SOX6: variants seen among roughly 807,000 people sequenced by gnomAD.
SOX6 encodes the protein transcription factor SOX-6.
A neutral mutation model predicts 97.8 loss-of-function variants in SOX6; 11 were observed. The observed-to-expected ratio is 0.11, with a 90% CI of 0.07 to 0.19. The LOEUF is 0.19. Ranked by LOEUF, SOX6 falls within the 10% of genes least tolerant of loss-of-function variation. The pLI, the probability that SOX6 is intolerant of heterozygous loss-of-function variation, is 1.00. For missense variants in SOX6, 810 were observed against 1,039.5 expected, an observed-to-expected ratio of 0.78 and a Z score of 3.04; for synonymous variants, 360 against 371.4, an observed-to-expected ratio of 0.97 and a Z score of 0.35.
Position 16,566,656 on chromosome 11 carries a change from C to T in SOX6, n.609+45425G>A, listed in dbSNP as rs140544785. ...GTATCTGACATACCCGCTAGGGCGG[C>T]TATAATGTTTTTTAATGGAAAATAA... On this transcript the variant is annotated intron_variant and non_coding_transcript_variant, in intron 4 of 5. Transcript: ENST00000524520. Among the ~76,000 whole-genome samples, 1,132 of 152,276 alleles carry T rather than the reference C, an allele frequency of 7.4e-3. 19 individuals carry two copies. Among genetic ancestry groups the T allele is most frequent in the African/African-American group, 0.025 (1,024 of 41,550 alleles).
At position 16,387,146 on chromosome 11, in the gene SOX6, T is replaced by C. The variant is rs1404825386; in HGVS notation, c.-4-45894A>G. 3.9e-5 allele frequency among the ~76,000 whole-genome samples: 6 copies of C among 152,320 alleles called. No homozygotes were observed. In the East Asian group the frequency reaches 1.2e-3, roughly 29 times the overall value. ...AACTTGTCAGCACATTGAAGTCACATGGAGACCTGTAAAAACTATTGATGC... is the reference window on the plus strand; with the variant it reads ...AACTTGTCAGCACATTGAAGTCACACGGAGACCTGTAAAAACTATTGATGC... On this transcript the variant is annotated intron_variant, in intron 1 of 15. Coordinates refer to the SOX6 transcript ENST00000396356.
intron 5 of SOX6, among the ~76,000 whole-genome samples, chr11:16,185,427 A>G (rs1851445143): frequency 6.6e-6 from 1 of 152,114 alleles, no homozygotes; most frequent in Admixed American, 6.6e-5. Context: ...GTCCCTCCTA[A>G]ATGATAAAGT....
intron 6 of SOX6, among the ~76,000 whole-genome samples, chr11:16,160,036 T>C (rs1359745422): frequency 6.6e-6 from 1 of 152,162 alleles, no homozygotes; most frequent in Non-Finnish European, 1.5e-5. Context: ...AAAATTGCCT[T>C]AGCATAATAC....
chr11:16,274,527 A>G (rs1008266298), intron 3 of SOX6, among the ~76,000 whole-genome samples: 1 of 152,212 alleles, frequency 6.6e-6, no homozygotes, highest in Non-Finnish European at 1.5e-5. Context: ...TCTTTAAAAG[A>G]AAAACAACAA....
At chr11:15,984,550 T>C (rs1853767500) in intron 15 of SOX6, among the ~76,000 whole-genome samples, 1 of 152,250 alleles carries the variant, frequency 6.6e-6, no homozygotes, top group Non-Finnish European at 1.5e-5. Flanking sequence ...GACTATGAAT[T>C]AGTATTTTTC....
At chr11:16,238,845 G>T (rs1035305625) in intron 3 of SOX6, among the ~76,000 whole-genome samples, 2 of 152,022 alleles carry the variant, frequency 1.3e-5, no homozygotes. Flanking sequence ...AACAATTACT[G>T]CTGGCTCTAT....
chr11:16,612,871 G>T (rs888616728), intron 3 of SOX6, among the ~76,000 whole-genome samples: 1 of 152,004 alleles, frequency 6.6e-6, no homozygotes, highest in African/African-American at 2.4e-5. Flanking sequence ...AAGAGAAATC[G>T]CGCTTCCCTG....
At chr11:16,316,432 C>CA (rs1392715494) in intron 3 of SOX6, 3 of 151,152 alleles carry the variant, frequency 2.0e-5, no homozygotes, top group Non-Finnish European at 4.4e-5. Flanking sequence ...ATGTCTAAAA[C>CA]ATACATATTG....
At chr11:16,389,744 G>A (rs200517089) in intron 1 of SOX6, among the ~76,000 whole-genome samples, 3 of 151,790 alleles carry the variant, frequency 2.0e-5, no homozygotes, top group South Asian at 2.1e-4. Context: ...CGAGGTGGGC[G>A]GATCACGAAG....
At chr11:16,572,560 T>A (rs149782182) in intron 4 of SOX6, among the ~76,000 whole-genome samples, 1 of 152,188 alleles carries the variant, frequency 6.6e-6, no homozygotes, top group African/African-American at 2.4e-5. Context: ...ACTACTACAA[T>A]GTAAAATTAA....
intron 3 of SOX6, among the ~76,000 whole-genome samples, chr11:16,256,095 T>C (rs1179011332): frequency 6.6e-6 from 1 of 151,878 alleles, no homozygotes; most frequent in Non-Finnish European, 1.5e-5. Context: ...TTAGTAACCT[T>C]CCAAAACAGA....
intron 3 of SOX6, among the ~76,000 whole-genome samples, chr11:16,629,146 A>G (rs752137602): frequency 6.6e-6 from 1 of 152,166 alleles, no homozygotes; most frequent in Non-Finnish European, 1.5e-5. Context: ...TAGGAGTGGT[A>G]TAACAGTGGG....
chr11:16,211,911 C>T (rs528645811), intron 4 of SOX6, among the ~76,000 whole-genome samples: 6 of 152,238 alleles, frequency 3.9e-5, no homozygotes, highest in African/African-American at 1.4e-4. Flanking sequence ...GAACACCTAG[C>T]ACAGAGTTGC....
chr11:16,583,614 C>CATATATATATATATATATATATATAT (rs534690651), intron 4 of SOX6, among the ~76,000 whole-genome samples: 4 of 104,706 alleles, frequency 3.8e-5, no homozygotes, highest in African/African-American at 6.5e-5. Flanking sequence ...TATATATATA[C>CATATATATATATATATATATATATAT]ATATATATAT....
At chr11:16,650,905 A>T (rs1847639279) in intron 3 of SOX6, among the ~76,000 whole-genome samples, 1 of 152,190 alleles carries the variant, frequency 6.6e-6, no homozygotes. Context: ...AGAAGAGAGA[A>T]GATCCAAATT....
In SOX6 at chr11:16,110,354, A is replaced by C. The variant is rs540113985; in HGVS notation, c.898+1449T>G. 4 of 151,988 alleles carry C rather than the reference A, an allele frequency of 2.6e-5. No homozygotes were observed. In the South Asian group the frequency reaches 8.3e-4, roughly 32 times the overall value. 9.4% of individuals were successfully genotyped at this position (151,988 alleles called of 1,614,324 possible). On this transcript the variant is annotated intron_variant, in intron 7 of 15. Coordinates refer to ENST00000683767, the MANE Select transcript of SOX6 (RefSeq NM_001367873.1). ...CCAAAGAAAGTCAAAATGAAGAAGTAGTTTAGAATGACTTACAGAGATCAC... is the reference window on the plus strand; with the variant it reads ...CCAAAGAAAGTCAAAATGAAGAAGTCGTTTAGAATGACTTACAGAGATCAC...
chr11:16,532,331 A>C (rs1208877770), intron 4 of SOX6, among the ~76,000 whole-genome samples: 1 of 151,878 alleles, frequency 6.6e-6, no homozygotes, highest in Non-Finnish European at 1.5e-5. Context: ...CTGTATGATC[A>C]AGAAATGAGA....
chr11:16,426,913 CAAAAAAAAAA>C (rs34720074), intron 1 of SOX6, among the ~76,000 whole-genome samples: 1 of 62,656 alleles, frequency 1.6e-5, no homozygotes, highest in Admixed American at 2.1e-4. Context: ...GACTCCGTCT[CAAAAAAAAAA>C]AAAAAAAAAA....
intron 12 of SOX6, among the ~76,000 whole-genome samples, chr11:16,024,916 G>A (rs768535146): frequency 2.2e-4 from 34 of 152,048 alleles, no homozygotes; most frequent in Middle Eastern, 3.4e-3. Context: ...CCACACCCCC[G>A]GCAAGGACAG....
Sources: gnomAD v4.1 joint callset for allele counts (sites outside exome capture counted in the v4.1 genomes callset) on GRCh38, gnomAD v4.1.1 for gene constraint, MANE v1.5 for transcripts, NCBI Gene and HGNC (gene_info 2026-07-23, HGNC 2026-07-21) for gene names.